The following NALF1 variants were observed in gnomAD, a reference collection of about 807,000 sequenced individuals.
NALF1 encodes the protein NALCN channel auxiliary factor 1, also known as family with sequence similarity 155 member A.
Under a neutral mutation model 48.4 loss-of-function variants are expected in NALF1, and 3 were observed. That is an observed-to-expected ratio of 0.06 (90% CI 0.03 to 0.16). The LOEUF is 0.16. NALF1 is among the 10% of genes least tolerant of loss of function. The pLI, the probability that NALF1 is intolerant of heterozygous loss-of-function variation, is 1.00. For synonymous variants in NALF1, 262 were observed against 245.7 expected, an observed-to-expected ratio of 1.07 and a Z score of -0.62; for missense variants, 526 against 571.5, an observed-to-expected ratio of 0.92 and a Z score of 0.81.
At chr13:107,387,714 A>C (rs1046862012) in intron 1 of NALF1, among the ~76,000 whole-genome samples, 1 of 152,232 alleles carries the variant, frequency 6.6e-6, no homozygotes, top group Non-Finnish European at 1.5e-5. Context: ...ATGCAAGAGA[A>C]AAGTGCTGAC....
At chr13:107,847,056 AG>A (rs1880190160) in intron 1 of NALF1, among the ~76,000 whole-genome samples, 1 of 152,162 alleles carries the variant, frequency 6.6e-6, no homozygotes, top group South Asian at 2.1e-4. Flanking sequence ...AAAAAATTAA[AG>A]GCAAACTTTA....
chr13:107,437,003 T>C (rs1336666186), intron 1 of NALF1, among the ~76,000 whole-genome samples: 1 of 152,082 alleles, frequency 6.6e-6, no homozygotes, highest in African/African-American at 2.4e-5. Flanking sequence ...TGAAAATAAG[T>C]GGTATCCGGG....
chr13:107,286,835 C>A (rs1881504703), intron 1 of NALF1, among the ~76,000 whole-genome samples: 1 of 152,092 alleles, frequency 6.6e-6, no homozygotes, highest in South Asian at 2.1e-4. Flanking sequence ...TTATATAAAA[C>A]ATCTGGAAAG....
intron 1 of NALF1, among the ~76,000 whole-genome samples, chr13:107,217,016 A>G (rs939665659): frequency 6.6e-6 from 1 of 152,244 alleles, no homozygotes; most frequent in Non-Finnish European, 1.5e-5. Context: ...CGTTATGCAA[A>G]GGAAAACGTG....
intron 1 of NALF1, among the ~76,000 whole-genome samples, chr13:107,491,398 C>A (rs1471005972): frequency 6.6e-6 from 1 of 152,112 alleles, no homozygotes; most frequent in African/African-American, 2.4e-5. Flanking sequence ...TTTTCAGAAG[C>A]ATATAGGATG....
chr13:107,724,068 G>A (rs1028320901), intron 1 of NALF1, among the ~76,000 whole-genome samples: 8 of 151,994 alleles, frequency 5.3e-5, no homozygotes, highest in Admixed American at 2.0e-4. Flanking sequence ...TTGCAAAGAC[G>A]TAATACTGCT....
intron 1 of NALF1, among the ~76,000 whole-genome samples, chr13:107,766,251 A>C (rs1877415902): frequency 6.6e-6 from 1 of 152,210 alleles, no homozygotes; most frequent in East Asian, 1.9e-4. Flanking sequence ...GTGATCAAGT[A>C]AATACAATAG....
At chr13:107,681,645 C>T (rs1881307122) in intron 1 of NALF1, among the ~76,000 whole-genome samples, 1 of 152,066 alleles carries the variant, frequency 6.6e-6, no homozygotes, top group Non-Finnish European at 1.5e-5. Context: ...TGTCCATTTC[C>T]CCAAGGCTGG....
intron 1 of NALF1, among the ~76,000 whole-genome samples, chr13:107,810,999 A>G (rs1226581145): frequency 6.6e-6 from 1 of 152,172 alleles, no homozygotes; most frequent in Non-Finnish European, 1.5e-5. Context: ...TAAATTATGT[A>G]TATTATGTAT....
At chr13:107,601,824 T>C (rs1878937964) in intron 1 of NALF1, among the ~76,000 whole-genome samples, 1 of 151,664 alleles carries the variant, frequency 6.6e-6, no homozygotes, top group South Asian at 2.1e-4. Flanking sequence ...AGACATATTC[T>C]TAGCTAAAAA....
intron 1 of NALF1, among the ~76,000 whole-genome samples, chr13:107,256,381 G>A (rs1467182819): frequency 1.3e-5 from 2 of 151,830 alleles, no homozygotes; most frequent in Non-Finnish European, 2.9e-5. Context: ...CACAGAAACT[G>A]GCAAAAAAAT....
intron 1 of NALF1, among the ~76,000 whole-genome samples, chr13:107,684,218 G>T (rs1348334315): frequency 6.6e-6 from 1 of 152,198 alleles, no homozygotes; most frequent in Non-Finnish European, 1.5e-5. Context: ...CACAAAGGGT[G>T]CAGGGGAGCA....
intron 1 of NALF1, among the ~76,000 whole-genome samples, chr13:107,361,737 A>G (rs9514668): frequency 0.42 from 64,278 of 152,084 alleles, 14,904 homozygotes; most frequent in Middle Eastern, 0.58. Context: ...ATACATATTA[A>G]GATCTCAATT....
At chr13:107,327,832 C>G (rs771736421) in intron 1 of NALF1, among the ~76,000 whole-genome samples, 1 of 152,176 alleles carries the variant, frequency 6.6e-6, no homozygotes, top group Non-Finnish European at 1.5e-5. Context: ...ACTCTATAAA[C>G]CTTTGTCCTT....
intron 1 of NALF1, among the ~76,000 whole-genome samples, chr13:107,313,482 G>A (rs769670192): frequency 6.6e-6 from 1 of 152,000 alleles, no homozygotes; most frequent in African/African-American, 2.4e-5. Flanking sequence ...CTCACAATTT[G>A]TCCACAAGAA....
At chr13:107,560,496 T>C (rs1877614107) in intron 1 of NALF1, among the ~76,000 whole-genome samples, 1 of 152,226 alleles carries the variant, frequency 6.6e-6, no homozygotes, top group African/African-American at 2.4e-5. Flanking sequence ...TTTCTTTCAG[T>C]ACTTTAAAAT....
chr13:107,209,835 C>T (rs538897907), intron 2 of NALF1, among the ~76,000 whole-genome samples: 57 of 152,258 alleles, frequency 3.7e-4, no homozygotes, highest in African/African-American at 1.4e-3. Context: ...GAATGCAGAG[C>T]CACCACTCGG....
chr13:107,491,149 G>C (rs1046644548), intron 1 of NALF1, among the ~76,000 whole-genome samples: 2 of 152,182 alleles, frequency 1.3e-5, no homozygotes, highest in African/African-American at 4.8e-5. Context: ...TGGCACAATG[G>C]AACACCTAGT....
rs528751181 is a variant in NALF1, at chr13:107,607,766, T to C, written c.915+257916A>G. Among the ~76,000 whole-genome samples the C allele has an allele frequency of 1.3e-4, 20 of 152,280 alleles. No individual in the cohort carries two copies. In the East Asian group the frequency reaches 3.9e-3, roughly 29 times the overall value. On this transcript the variant is annotated intron_variant, in intron 1 of 2. Transcript: ENST00000375915. ...GGCAATTTACTTAACTACCCTTGCC[T>C]TACTTATCATTTCTTTCAAATGAGA...
Sources: gnomAD v4.1 joint callset for allele counts (sites outside exome capture counted in the v4.1 genomes callset) on GRCh38, gnomAD v4.1.1 for gene constraint, MANE v1.5 for transcripts, NCBI Gene and HGNC (gene_info 2026-07-23, HGNC 2026-07-21) for gene names.